The following MCCC1 variants were observed in gnomAD, a reference collection of about 807,000 sequenced individuals.
MCCC1 encodes the protein methylcrotonoyl-CoA carboxylase subunit alpha, mitochondrial.
In MCCC1, 64 loss-of-function variants were observed where a neutral mutation model predicts 83.8. The ratio of observed to expected loss-of-function variants is 0.76; its 90% CI spans 0.62 to 0.94. MCCC1 has a LOEUF of 0.94. Ranked by LOEUF, MCCC1 falls within the 40% of genes least tolerant of loss-of-function variation. The pLI, the probability that MCCC1 is intolerant of heterozygous loss-of-function variation, is 0.00. For missense variants in MCCC1, 807 were observed against 904.7 expected (o/e 0.89, Z 1.39); for synonymous variants, 322 against 315.4 (o/e 1.02, Z -0.22).
chr3:183,116,157 T>G (rs1719584164), upstream of MCCC1: 1 of 166,288 alleles, frequency 6.0e-6, no homozygotes, highest in African/African-American at 2.4e-5. Flanking sequence ...GAGGATGTGA[T>G]CTATATGCTG....
chr3:183,100,202 G>C (rs1719076350), upstream of MCCC1, among the ~76,000 whole-genome samples: 1 of 151,544 alleles, frequency 6.6e-6, no homozygotes, highest in Admixed American at 6.6e-5. Flanking sequence ...AAACAAGCAG[G>C]GGAAAATCAC....
intron 3 of MCCC1, chr3:183,091,043 T>C (rs192925882): frequency 1.1e-3 from 485 of 456,256 alleles, no homozygotes; most frequent in Non-Finnish European, 1.8e-3. Context: ...TGCAAAAAGG[T>C]GGGTAGAGGG....
Position 183,031,207 on chromosome 3 carries a change from T to A in MCCC1, c.1681+2784A>T, listed in dbSNP as rs558660829. Among the ~76,000 whole-genome samples, 872 of 152,318 alleles carry A rather than the reference T, an allele frequency of 5.7e-3. 3 individuals are homozygous for A. Among genetic ancestry groups the A allele is most frequent in the Admixed American group, 7.3e-3 (112 of 15,300 alleles). ...CTTGACCTTGGCTCACAGAGATTAG[T>A]AATTTATAAAGTTCACACTAACAAT... On this transcript the variant is annotated intron_variant, in intron 14 of 18. Coordinates refer to ENST00000265594, the MANE Select transcript of MCCC1 (RefSeq NM_020166.5).
intron 17 of MCCC1, 149 bp downstream of exon 17, chr3:183,019,981 T>C (rs1381020392): frequency 4.7e-6 from 3 of 641,858 alleles, no homozygotes; most frequent in South Asian, 3.6e-5. Context: ...AATAAACAAT[T>C]TGAATCTGTA....
At chr3:183,082,854 G>A (rs1388706386) in intron 4 of MCCC1, among the ~76,000 whole-genome samples, 1 of 152,068 alleles carries the variant, frequency 6.6e-6, no homozygotes, top group Non-Finnish European at 1.5e-5. Flanking sequence ...GCATAGTGAC[G>A]TGTGCCTACA....
intron 9 of MCCC1, 84 bp downstream of exon 9, chr3:183,052,075 T>C (rs1715020561): frequency 2.3e-6 from 3 of 1,306,388 alleles, no homozygotes; most frequent in Non-Finnish European, 2.2e-6. Flanking sequence ...AAGCAACTGA[T>C]TTAAAAGTTG....
intron 14 of MCCC1, among the ~76,000 whole-genome samples, chr3:183,032,058 T>C (rs191931627): frequency 1.3e-5 from 2 of 152,372 alleles, no homozygotes; most frequent in African/African-American, 2.4e-5. Flanking sequence ...TGTATCATTT[T>C]CTGAAAGCTC....
intron 12 of MCCC1, among the ~76,000 whole-genome samples, chr3:183,037,837 C>A (rs1299734141): frequency 6.6e-6 from 1 of 152,206 alleles, no homozygotes; most frequent in Non-Finnish European, 1.5e-5. Context: ...CTGCAAACAG[C>A]AAGCTGGATT....
chr3:183,039,334 C>T (rs903265421), intron 11 of MCCC1, among the ~76,000 whole-genome samples, 199 bp from the exon 12 acceptor site: 3 of 152,148 alleles, frequency 2.0e-5, no homozygotes, highest in African/African-American at 7.2e-5. Flanking sequence ...AGGTGGGCCA[C>T]CCAACAGCAC....
intron 7 of MCCC1, among the ~76,000 whole-genome samples, chr3:183,060,220 G>A (rs1269526925): frequency 6.6e-6 from 1 of 151,888 alleles, no homozygotes; most frequent in African/African-American, 2.4e-5. Context: ...TCTATGTTCA[G>A]GATCACTGAT....
At chr3:183,040,517 C>G (rs1428712494) in intron 11 of MCCC1, among the ~76,000 whole-genome samples, 1 of 147,298 alleles carries the variant, frequency 6.8e-6, no homozygotes, top group Non-Finnish European at 1.5e-5. Context: ...TTGAGACCAG[C>G]CTAGCCAACA....
upstream of MCCC1, among the ~76,000 whole-genome samples, chr3:183,100,171 G>T (rs1719071809): frequency 6.6e-6 from 1 of 152,154 alleles, no homozygotes; most frequent in African/African-American, 2.4e-5. Flanking sequence ...AGAGAAAAAT[G>T]CACATTTGAC....
upstream of MCCC1, among the ~76,000 whole-genome samples, chr3:183,100,977 G>GC (rs1248981087): frequency 2.0e-5 from 3 of 152,252 alleles, no homozygotes; most frequent in African/African-American, 4.8e-5. Flanking sequence ...GGCTTGGTGG[G>GC]CCCCGCACTC....
At chr3:183,033,400 C>T (rs1159700400) in intron 14 of MCCC1, among the ~76,000 whole-genome samples, 2 of 152,210 alleles carry the variant, frequency 1.3e-5, no homozygotes, top group East Asian at 1.9e-4. Context: ...CACTTCTGTG[C>T]CTTACCATCC....
chr3:183,086,818 A>G (rs755973599), intron 3 of MCCC1, 30 bp from the exon 4 acceptor site: 2 of 1,595,816 alleles, frequency 1.3e-6, no homozygotes, highest in South Asian at 2.2e-5. Context: ...TGCTTAAAAG[A>G]CTTTGTGGCT....
At chr3:183,092,038 C>T (rs886384512) in intron 3 of MCCC1, among the ~76,000 whole-genome samples, 11 of 149,850 alleles carry the variant, frequency 7.3e-5, no homozygotes, top group South Asian at 4.2e-4. Context: ...GGCAACAGAG[C>T]GAGACTCAAT....
intron 1 of MCCC1, among the ~76,000 whole-genome samples, chr3:183,097,085 G>A (rs1325164990): frequency 1.3e-5 from 2 of 152,164 alleles, no homozygotes; most frequent in Admixed American, 1.3e-4. Flanking sequence ...TCCCAACAAT[G>A]TTCTGATCAT....
intron 4 of MCCC1, among the ~76,000 whole-genome samples, chr3:183,074,188 G>A (rs1056135370): frequency 5.9e-5 from 9 of 152,216 alleles, no homozygotes; most frequent in African/African-American, 1.9e-4. Context: ...ACAACTGTAC[G>A]TGTACTTTCA....
chr3:183,107,534 TTTGTTG>T (rs530964558), intron 1 of MCCC1, among the ~76,000 whole-genome samples: 18 of 151,108 alleles, frequency 1.2e-4, no homozygotes, highest in Admixed American at 4.6e-4. Context: ...ATTATTATTA[TTTGTTG>T]TTGTTGTTGT....
Sources: gnomAD v4.1 joint callset for allele counts (sites outside exome capture counted in the v4.1 genomes callset) on GRCh38, gnomAD v4.1.1 for gene constraint, MANE v1.5 for transcripts, NCBI Gene and HGNC (gene_info 2026-07-23, HGNC 2026-07-21) for gene names.